LAMTOR5: variants seen among roughly 807,000 people sequenced by gnomAD.
The protein encoded by LAMTOR5 is ragulator complex protein LAMTOR5.
A neutral mutation model predicts 12.1 loss-of-function variants in LAMTOR5; 8 were observed. That is an observed-to-expected ratio of 0.66 (90% CI 0.39 to 1.19). The LOEUF (loss-of-function observed/expected upper bound fraction) is 1.19. Among genes scored for constraint, LAMTOR5 ranks in the 50% most tolerant of loss-of-function variants. The pLI, the probability that LAMTOR5 is intolerant of heterozygous loss-of-function variation, is 0.01. For synonymous variants in LAMTOR5, 37 were observed against 41.9 expected (o/e 0.88, Z 0.45); for missense variants, 110 against 112.8 (o/e 0.97, Z 0.11).
At chr1:110,405,895 C>T (rs1290753238) in intron 2 of LAMTOR5, among the ~76,000 whole-genome samples, 1 of 152,150 alleles carries the variant, frequency 6.6e-6, no homozygotes, top group African/African-American at 2.4e-5. Context: ...CTATTCACTT[C>T]TTGTTTAGTG....
Position 110,407,580 on chromosome 1 carries a change from A to G in LAMTOR5, c.35+6T>C, listed in dbSNP as rs1452884859. The G allele has an allele frequency of 6.2e-7, 1 of 1,613,498 alleles. No individual in the cohort carries two copies. Among genetic ancestry groups the G allele is most frequent in the Non-Finnish European group, 8.5e-7 (1 of 1,179,758 alleles). Reference sequence around the variant, plus strand: ...AGGACAGGCCGAAGAGGCGCGCACTACTCACGTGTCTTCCAAGTGCTGCTC... The same window carrying G: ...AGGACAGGCCGAAGAGGCGCGCACTGCTCACGTGTCTTCCAAGTGCTGCTC... On this transcript the variant is annotated splice_donor_region_variant and intron_variant, in intron 1 of 3. Coordinates refer to ENST00000602318, the MANE Select transcript of LAMTOR5 (RefSeq NM_001382293.1).
In LAMTOR5 at chr1:110,406,320, C is replaced by T. The variant is rs1227300191; in HGVS notation, c.95G>A (p.Gly32Asp). The change falls in exon 2 of 4, where the codon GGT becomes GAT. Residue 32 changes from glycine (G) to aspartate (D), a missense_variant and splice_region_variant. Coordinates refer to ENST00000602318, the MANE Select transcript of LAMTOR5 (RefSeq NM_001382293.1). ...TAGTTGGTATGAGAGATACTTACAA[C>T]CCAGATTAAGTCCTTGTGAATCTGT... ...LCTDSQGLNL[G>D]CRGTLSDEHA... 1 of 1,601,306 alleles carries T rather than the reference C, an allele frequency of 6.2e-7. No homozygotes were observed. The highest frequency in any genetic ancestry group is 1.7e-5 in the Admixed American group (1 of 58,370).
intron 2 of LAMTOR5, among the ~76,000 whole-genome samples, chr1:110,405,253 C>A (rs1003753604): frequency 1.3e-5 from 2 of 151,780 alleles, no homozygotes; most frequent in Admixed American, 6.6e-5. Context: ...CTCTGCCTCC[C>A]AGGTTCAAGC....
rs1486300606 is a variant in LAMTOR5 at position 110,407,623 on chromosome 1, C to G, written c.-3G>C. ...TGCTGCTCCAAGGTCGCCTCCATCC[C>G]ACCCACCGACCACTCCGGCTCAGAA... On this transcript the variant is annotated 5_prime_UTR_variant, in exon 1 of 4. Transcript: ENST00000602318. 1 of 1,614,222 alleles carries G rather than the reference C, an allele frequency of 6.2e-7. No individual in the cohort carries two copies. The highest frequency in any genetic ancestry group is 8.5e-7 in the Non-Finnish European group (1 of 1,180,040).
rs1160203606 is a variant in LAMTOR5 at position 110,401,618 on chromosome 1, A to C, written c.216-35T>G. 1.9e-6 allele frequency: 3 copies of C among 1,583,348 alleles called. No individual in the cohort carries two copies. The South Asian group carries it at 3.4e-5, about 18-fold the overall frequency. ...AGGAAGAAAATATTCAGTAAAACGT[A>C]ATCAGTGGGACTTCACTGCAAGATT... On this transcript the variant is annotated intron_variant, in intron 3 of 3. Coordinates refer to ENST00000602318, the MANE Select transcript of LAMTOR5 (RefSeq NM_001382293.1).
upstream of LAMTOR5, chr1:110,407,893 C>T (rs765280417): frequency 6.2e-7 from 1 of 1,604,786 alleles, no homozygotes; most frequent in Admixed American, 1.7e-5. Context: ...ACGGATTATT[C>T]CCCTCTCGGG....
rs1663274876 is a variant in LAMTOR5, at chr1:110,403,912, T to C, written c.215+7A>G. On this transcript the variant is annotated splice_region_variant and intron_variant, in intron 3 of 3. Transcript: ENST00000602318. ...AAAAAGGAAAGGATCTGCTGAAATC[T>C]ACTCACCCATTATCTGATTCTAGAC... 3 of 1,611,634 alleles carry C rather than the reference T, an allele frequency of 1.9e-6. No homozygotes were observed. In the African/African-American group the frequency reaches 4.0e-5, roughly 22 times the overall value.
rs1663226019 is a variant in LAMTOR5, at chr1:110,401,429, G to A, written c.*94C>T. 7.3e-7 allele frequency: 1 copy of A among 1,362,546 alleles called. No homozygotes were observed. Among genetic ancestry groups the A allele is most frequent in the Admixed American group, 1.9e-5 (1 of 52,258 alleles). 84.4% of individuals were successfully genotyped at this position (1,362,546 alleles called of 1,614,324 possible). ...AGTGCCTAATGCACATTAAATGAAT[G>A]GCCTAACTACTGGAACTTTAGTAGT... On this transcript the variant is annotated 3_prime_UTR_variant, in exon 4 of 4. Transcript: ENST00000602318.
chr1:110,407,448 G>A, intron 1 of LAMTOR5, 138 bp downstream of exon 1: 1 of 1,103,146 alleles, frequency 9.1e-7, no homozygotes, highest in Non-Finnish European at 1.3e-6. Flanking sequence ...GTAGAGTTTA[G>A]CCCCCTCATC....
chr1:110,406,314 T>G lies in LAMTOR5; in HGVS notation c.97+4A>C. 2 of 1,595,534 alleles carry G rather than the reference T, an allele frequency of 1.3e-6. No homozygotes were observed. Among genetic ancestry groups the G allele is most frequent in the Non-Finnish European group, 1.7e-6 (2 of 1,168,246 alleles). ...ATCAAATAGTTGGTATGAGAGATAC[T>G]TACAACCCAGATTAAGTCCTTGTGA... On this transcript the variant is annotated splice_donor_region_variant and intron_variant, in intron 2 of 3. Coordinates refer to ENST00000602318, the MANE Select transcript of LAMTOR5 (RefSeq NM_001382293.1).
intron 2 of LAMTOR5, among the ~76,000 whole-genome samples, chr1:110,405,275 C>G (rs1294063534): frequency 1.3e-5 from 2 of 152,026 alleles, no homozygotes; most frequent in African/African-American, 4.8e-5. Flanking sequence ...ATTCTCCTGC[C>G]TCAGCCTCCC....
intron 3 of LAMTOR5, chr1:110,403,668 ATTTG>A: frequency 5.1e-6 from 2 of 392,466 alleles, no homozygotes; most frequent in Non-Finnish European, 8.8e-6. Flanking sequence ...CCTTTGTGCT[ATTTG>A]TTACTTTCTT....
chr1:110,406,856 A>G, intron 1 of LAMTOR5: 1 of 433,502 alleles, frequency 2.3e-6, no homozygotes, highest in East Asian at 3.5e-5. Flanking sequence ...AGTTCTAGTT[A>G]ATTAATTGAA....
upstream of LAMTOR5, chr1:110,407,714 C>G: frequency 6.2e-7 from 1 of 1,614,236 alleles, no homozygotes; most frequent in Non-Finnish European, 8.5e-7. Flanking sequence ...GGGGCGTGGA[C>G]CGTAACGGCG....
At chr1:110,406,537 T>C (rs1663333279) in intron 1 of LAMTOR5, 158 bp from the exon 2 acceptor site, 1 of 514,050 alleles carries the variant, frequency 1.9e-6, no homozygotes, top group Non-Finnish European at 3.3e-6. Flanking sequence ...AAAAATTAAG[T>C]TCTAGGGCCG....
intron 3 of LAMTOR5, among the ~76,000 whole-genome samples, chr1:110,401,944 G>C (rs536300834): frequency 7.9e-4 from 120 of 152,212 alleles, no homozygotes; most frequent in Non-Finnish European, 1.1e-3. Context: ...AGGCTTTACT[G>C]GTCTTTGTTT....
In LAMTOR5 at chr1:110,407,600, C is replaced by T; in HGVS notation, c.21G>A (p.Gln7=). MEATLE[Q]HLEDTMKNPS... ...GCACTACTCACGTGTCTTCCAAGTG[C>T]TGCTCCAAGGTCGCCTCCATCCCAC... Residue 7 remains glutamine, a synonymous_variant, in exon 1 of 4, where the codon CAG becomes CAA. Transcript: ENST00000602318. 6.2e-7 allele frequency: 1 copy of T among 1,614,148 alleles called. No individual in the cohort carries two copies. The highest frequency in any genetic ancestry group is 8.5e-7 in the Non-Finnish European group (1 of 1,180,016).
intron 1 of LAMTOR5, chr1:110,407,187 T>C (rs1663348916): frequency 3.4e-6 from 2 of 591,552 alleles, no homozygotes; most frequent in South Asian, 4.3e-5. Flanking sequence ...AAGTAACTGA[T>C]AGGTTACACA....
chr1:110,405,809 C>G (rs144349482), intron 2 of LAMTOR5, among the ~76,000 whole-genome samples: 17 of 152,168 alleles, frequency 1.1e-4, no homozygotes, highest in Non-Finnish European at 1.3e-4. Flanking sequence ...TTTTGGTCCA[C>G]GTTCACACTA....
Sources: allele counts gnomAD v4.1 joint callset (sites outside exome capture counted in the v4.1 genomes callset), GRCh38; gene constraint gnomAD v4.1.1; transcripts MANE v1.5; gene names NCBI Gene and HGNC (gene_info 2026-07-23, HGNC 2026-07-21).